The following PLA2G7 variants were observed in gnomAD, a reference collection of about 807,000 sequenced individuals.
PLA2G7 encodes the protein platelet-activating factor acetylhydrolase.
Under a neutral mutation model 49.6 loss-of-function variants are expected in PLA2G7, and 63 were observed. The observed-to-expected ratio is 1.27, with a 90% CI of 1.04 to 1.57. PLA2G7 has a LOEUF of 1.57. Ranked by LOEUF, PLA2G7 falls within the 40% of genes most tolerant of loss-of-function variation. The pLI is 0.00. For synonymous variants in PLA2G7, 193 were observed against 169.9 expected, an observed-to-expected ratio of 1.14 and a Z score of -1.06; for missense variants, 596 against 521.2, an observed-to-expected ratio of 1.14 and a Z score of -1.40.
At chr6:46,707,779 A>G (rs968289511) in intron 10 of PLA2G7, among the ~76,000 whole-genome samples, 10 of 152,216 alleles carry the variant, frequency 6.6e-5, no homozygotes, top group African/African-American at 2.4e-4. Context: ...ACAGACTAAT[A>G]TAACCAGTAT....
At chr6:46,709,091 T>G (rs1764923202) in intron 9 of PLA2G7, among the ~76,000 whole-genome samples, 1 of 152,050 alleles carries the variant, frequency 6.6e-6, no homozygotes, top group Admixed American at 6.6e-5. Flanking sequence ...ACCCCTTGGG[T>G]AAACAAGAAT....
At chr6:46,725,182 A>G (rs1765531172) in intron 1 of PLA2G7, among the ~76,000 whole-genome samples, 1 of 152,214 alleles carries the variant, frequency 6.6e-6, no homozygotes, top group African/African-American at 2.4e-5. Context: ...CTCCTATTGT[A>G]CAGGCTAGAA....
intron 9 of PLA2G7, among the ~76,000 whole-genome samples, chr6:46,708,429 T>G (rs1764904235): frequency 3.9e-5 from 6 of 152,228 alleles, no homozygotes; most frequent in Admixed American, 3.9e-4. Flanking sequence ...TAAAACTTTT[T>G]ATTCAAAATA....
rs1753657764 is a variant in PLA2G7 at position 46,709,349 on chromosome 6, G to A, written c.847C>T (p.Leu283Phe). 6.3e-7 allele frequency: 1 copy of A among 1,599,184 alleles called. No homozygotes were observed. The highest frequency in any genetic ancestry group is 1.3e-5 in the African/African-American group (1 of 74,562). ...SFGGATVIQT[L>F]SEDQRFRCGI... ...TACCTGAATCTCTGATCTTCACTAA[G>A]AGTCTGAATAACCGTTGCTCCACCA... is the stretch of plus-strand genomic sequence containing the variant. The change falls in exon 9 of 12, where the codon CTT becomes TTT. Residue 283 changes from leucine (L) to phenylalanine (F), a missense_variant. Coordinates refer to ENST00000274793, the MANE Select transcript of PLA2G7 (RefSeq NM_005084.4).
chr6:46,727,077 C>T (rs989029135), intron 1 of PLA2G7, among the ~76,000 whole-genome samples: 6 of 152,108 alleles, frequency 3.9e-5, no homozygotes, highest in Non-Finnish European at 8.8e-5. Context: ...TCAATGAGCA[C>T]TCAGATAATA....
chr6:46,713,584 G>T (rs568123696), intron 5 of PLA2G7, among the ~76,000 whole-genome samples: 2 of 152,196 alleles, frequency 1.3e-5, no homozygotes, highest in Admixed American at 6.5e-5. Context: ...GTGCTGAAGA[G>T]AATTCTTTAT....
Position 46,704,365 on chromosome 6 carries a change from T to C in PLA2G7, c.*195A>G. The C allele has an allele frequency of 1.7e-6, 1 of 575,390 alleles. No individual in the cohort carries two copies. The highest frequency in any genetic ancestry group is 3.1e-6 in the Non-Finnish European group (1 of 323,008). 35.6% of individuals were successfully genotyped at this position (575,390 alleles called of 1,614,324 possible). On this transcript the variant is annotated 3_prime_UTR_variant, in exon 12 of 12. Coordinates refer to ENST00000274793, the MANE Select transcript of PLA2G7 (RefSeq NM_005084.4). ...CTTTACATCTAAAGGGAAAAAATTC[T>C]TAGTCCAAGCTTCAATCACGATTAC...
At position 46,705,199 on chromosome 6, in the gene PLA2G7, A is replaced by T. The variant is rs1437010971; in HGVS notation, c.1143T>A (p.Ile381=). 1 of 1,608,096 alleles carries T rather than the reference A, an allele frequency of 6.2e-7. No homozygotes were observed. Among genetic ancestry groups the T allele is most frequent in the African/African-American group, 1.3e-5 (1 of 74,820 alleles). The change falls in exon 11 of 12, where the codon ATT becomes ATA. Residue 381 remains isoleucine, a synonymous_variant. Transcript: ENST00000274793. The part of the protein sequence containing the change: ...LKGDIDSNVA[I]DLSNKASLAF... ...CTAATGAAGCTTTGTTGCTAAGATC[A>T]ATAGCTACATTTGAATCTATGTCTC...
chr6:46,734,666 C>CA (rs922256164), intron 1 of PLA2G7, among the ~76,000 whole-genome samples: 8 of 151,448 alleles, frequency 5.3e-5, no homozygotes, highest in African/African-American at 9.7e-5. Context: ...ACTAAAAATT[C>CA]AAAAAAATTA....
rs766222101 is a variant in PLA2G7 at position 46,704,510 on chromosome 6, A to G, written c.*50T>C. On this transcript the variant is annotated 3_prime_UTR_variant, in exon 12 of 12. Coordinates refer to ENST00000274793, the MANE Select transcript of PLA2G7 (RefSeq NM_005084.4). ...CACACACACACACACACACACACAC[A>G]TAATTTTAGACAGTTTTGAAACAAG... is the stretch of plus-strand genomic sequence containing the variant. 8 of 1,080,088 alleles carry G rather than the reference A, an allele frequency of 7.4e-6. No homozygotes were observed. The Admixed American group carries it at 1.2e-4, about 16-fold the overall frequency. 66.9% of individuals were successfully genotyped at this position (1,080,088 alleles called of 1,614,324 possible). A position where few individuals can be genotyped will look rare whatever the true frequency, so the allele number is the denominator to read the frequency against.
Position 46,714,892 on chromosome 6 carries a change from C to T in PLA2G7, c.377-339G>A, listed in dbSNP as rs1051203888. On this transcript the variant is annotated intron_variant, in intron 4 of 11. Transcript: ENST00000274793. Reference sequence around the variant, plus strand: ...CTGAGATTACAAGCATGCGCCACCACGCCTGGCTAATTTTATATTTTTAGT... The same window carrying T: ...CTGAGATTACAAGCATGCGCCACCATGCCTGGCTAATTTTATATTTTTAGT... Among the ~76,000 whole-genome samples, 152 of 151,832 alleles carry T rather than the reference C, an allele frequency of 1.0e-3. 1 individual carries two copies. The highest frequency in any genetic ancestry group is 2.6e-4 in the Non-Finnish European group (18 of 67,956).
At chr6:46,721,420 G>A (rs966845112) in intron 2 of PLA2G7, among the ~76,000 whole-genome samples, 13 of 151,864 alleles carry the variant, frequency 8.6e-5, no homozygotes, top group African/African-American at 2.7e-4. Context: ...ATAAAGCAAC[G>A]TCCCTGTCCT....
chr6:46,734,462 GAGAGAGAGAGAGAGAGA>G (rs1765845187), intron 1 of PLA2G7, among the ~76,000 whole-genome samples: 1 of 128,090 alleles, frequency 7.8e-6, no homozygotes, highest in Non-Finnish European at 1.6e-5. Context: ...GAGAGAGAGA[GAGAGAGAGAGAGAGAGA>G]GAGAGAGAGA....
At chr6:46,705,835 G>A (rs974774101) in intron 10 of PLA2G7, among the ~76,000 whole-genome samples, 3 of 152,298 alleles carry the variant, frequency 2.0e-5, no homozygotes, top group South Asian at 2.1e-4. Flanking sequence ...ATAGCCTAAC[G>A]TCAAATAGAA....
At chr6:46,732,451 AC>A (rs1765764016) in intron 1 of PLA2G7, among the ~76,000 whole-genome samples, 1 of 151,666 alleles carries the variant, frequency 6.6e-6, no homozygotes, top group Non-Finnish European at 1.5e-5. Flanking sequence ...ATATGAATTC[AC>A]CCTGTTCATC....
At chr6:46,716,260 T>C (rs1381193582) in intron 4 of PLA2G7, 124 bp downstream of exon 4, 2 of 935,356 alleles carry the variant, frequency 2.1e-6, no homozygotes. Flanking sequence ...ACTTTCCTTA[T>C]CATTTTAGGA....
Position 46,708,045 on chromosome 6 carries a change from A to G in PLA2G7, c.986T>C (p.Ile329Thr). The change falls in exon 10 of 12, where the codon ATA becomes ACA. Residue 329 changes from isoleucine to threonine, a missense_variant. Physicochemically the swap from Ile to Thr is moderately conservative, Grantham distance 89. Coordinates refer to ENST00000274793, the MANE Select transcript of PLA2G7 (RefSeq NM_005084.4). Reference protein sequence around the residue: ...SEYFQYPANIIKMKKCYSPDK... With the variant: ...SEYFQYPANITKMKKCYSPDK... ...AGGTGAGTAGCATTTTTTCATTTTT[A>G]TGATATTAGCAGGATATTGGAAATA... 6.3e-7 allele frequency: 1 copy of G among 1,593,408 alleles called. No homozygotes were observed. Among genetic ancestry groups the G allele is most frequent in the Middle Eastern group, 1.7e-4 (1 of 5,988 alleles).
At position 46,704,671 on chromosome 6, in the gene PLA2G7, C is replaced by A; in HGVS notation, c.1215G>T (p.Trp405Cys). The stretch of plus-strand genomic sequence containing the variant: ...CATCATCTCCTTCAATCAAGCAGTC[C>A]CACTGATCAAAATCTTTATGAAGTC... ...HLGLHKDFDQWDCLIEGDDEN... is the reference protein window; with the variant it reads ...HLGLHKDFDQCDCLIEGDDEN... The change falls in exon 12 of 12, where the codon TGG becomes TGT. Residue 405 changes from tryptophan (W) to cysteine (C), a missense_variant. Trp to Cys is a radical substitution (Grantham distance 215). Transcript: ENST00000274793. The A allele has an allele frequency of 6.3e-7, 1 of 1,579,386 alleles. No homozygotes were observed. Among genetic ancestry groups the A allele is most frequent in the Non-Finnish European group, 8.7e-7 (1 of 1,148,302 alleles).
intron 1 of PLA2G7, among the ~76,000 whole-genome samples, chr6:46,728,783 A>G (rs969546244): frequency 2.6e-5 from 4 of 152,238 alleles, no homozygotes; most frequent in Non-Finnish European, 4.4e-5. Flanking sequence ...TGAGTGTTGT[A>G]TGCATAAATG....
Sources: allele counts gnomAD v4.1 joint callset (sites outside exome capture counted in the v4.1 genomes callset), GRCh38; gene constraint gnomAD v4.1.1; transcripts MANE v1.5; gene names NCBI Gene and HGNC (gene_info 2026-07-23, HGNC 2026-07-21).